The following CAMK2D variants were observed in gnomAD, a reference collection of about 807,000 sequenced individuals.
CAMK2D encodes calcium/calmodulin-dependent protein kinase type II subunit delta.
Under a neutral mutation model 84.0 loss-of-function variants are expected in CAMK2D, and 37 were observed. That is an observed-to-expected ratio of 0.44 (90% confidence interval 0.34 to 0.58). The LOEUF (loss-of-function observed/expected upper bound fraction) is 0.58. Among genes scored for constraint, CAMK2D ranks in the 20% least tolerant of loss-of-function variants. The pLI is 0.02. For missense variants in CAMK2D, 448 were observed against 652.5 expected (o/e 0.69, Z 3.41); for synonymous variants, 202 against 212.5 (o/e 0.95, Z 0.43).
intron 2 of CAMK2D, among the ~76,000 whole-genome samples, chr4:113,705,351 G>A (rs983813050): frequency 3.3e-5 from 5 of 149,832 alleles, no homozygotes; most frequent in Non-Finnish European, 7.4e-5. Context: ...AAAGAAAAGT[G>A]GTAAATGGAG....
At chr4:113,543,947 A>G (rs985838978) in intron 6 of CAMK2D, among the ~76,000 whole-genome samples, 1 of 151,680 alleles carries the variant, frequency 6.6e-6, no homozygotes, top group Non-Finnish European at 1.5e-5. Context: ...GCCCGCCACC[A>G]CGCCCCGCTA....
chr4:113,636,972 C>T (rs779694906), intron 3 of CAMK2D, among the ~76,000 whole-genome samples: 3 of 152,180 alleles, frequency 2.0e-5, no homozygotes, highest in Non-Finnish European at 2.9e-5. Flanking sequence ...GCATGGCCTG[C>T]AAGCTGCTCC....
chr4:113,566,485 T>TAATG (rs1163885114), intron 4 of CAMK2D, among the ~76,000 whole-genome samples: 1 of 152,204 alleles, frequency 6.6e-6, no homozygotes, highest in Non-Finnish European at 1.5e-5. Context: ...GAGCTTTGTA[T>TAATG]AATGAAATCG....
intron 7 of CAMK2D, among the ~76,000 whole-genome samples, chr4:113,534,863 T>C (rs557081506): frequency 6.6e-6 from 1 of 152,188 alleles, no homozygotes; most frequent in Non-Finnish European, 1.5e-5. Context: ...CTCAATATCA[T>C]ACAGCTGTTA....
chr4:113,512,866 C>T (rs377569737), intron 12 of CAMK2D, among the ~76,000 whole-genome samples: 166 of 152,226 alleles, frequency 1.1e-3, no homozygotes, highest in African/African-American at 3.8e-3. Context: ...CCACCACGCC[C>T]GGCCAATAAT....
At chr4:113,490,268 G>A (rs1432407743) in intron 16 of CAMK2D, among the ~76,000 whole-genome samples, 2 of 149,906 alleles carry the variant, frequency 1.3e-5, no homozygotes, top group East Asian at 3.9e-4. Context: ...GGGGTTTTAT[G>A]GTTTTAGGTC....
At chr4:113,575,222 G>C (rs2098774955) in intron 4 of CAMK2D, among the ~76,000 whole-genome samples, 1 of 152,150 alleles carries the variant, frequency 6.6e-6, no homozygotes, top group Non-Finnish European at 1.5e-5. Context: ...TCCATGGATA[G>C]AAAGACAATA....
At position 113,592,531 on chromosome 4, in the gene CAMK2D, G is replaced by T. The variant is rs569183573; in HGVS notation, c.275+16621C>A. On this transcript the variant is annotated intron_variant, in intron 4 of 20. Transcript: ENST00000511664. The stretch of plus-strand genomic sequence containing the variant: ...ATTTTACATTTAATTAACTTTTTGA[G>T]AAAATTGTGCTTTCAAAATCTAGTT... 2.6e-5 allele frequency among the ~76,000 whole-genome samples: 4 copies of T among 152,218 alleles called. No homozygotes were observed. In the South Asian group the frequency reaches 8.3e-4, roughly 32 times the overall value.
rs536477889 is a variant in CAMK2D at position 113,638,013 on chromosome 4, T to C, written c.220+23700A>G. On this transcript the variant is annotated intron_variant, in intron 3 of 20. Transcript: ENST00000511664. ...CTCTCCATCCTCCTTCTCCCAAATA[T>C]GGTATTACACATCCACTCATCTCTT... is the stretch of plus-strand genomic sequence containing the variant. Among the ~76,000 whole-genome samples the C allele has an allele frequency of 5.9e-5, 9 of 152,260 alleles. No individual in the cohort carries two copies. In the East Asian group the frequency reaches 1.5e-3, roughly 26 times the overall value.
chr4:113,563,352 C>T (rs978577322), intron 4 of CAMK2D, among the ~76,000 whole-genome samples: 2 of 152,194 alleles, frequency 1.3e-5, no homozygotes, highest in African/African-American at 4.8e-5. Context: ...TACTACAATG[C>T]AAACCAGGCA....
chr4:113,495,084 C>A (rs959973110), intron 16 of CAMK2D, among the ~76,000 whole-genome samples: 6 of 152,172 alleles, frequency 3.9e-5, no homozygotes, highest in Non-Finnish European at 7.3e-5. Context: ...GATGGAAATG[C>A]AGAAATCACC....
At chr4:113,563,835 T>C (rs1328038341) in intron 4 of CAMK2D, among the ~76,000 whole-genome samples, 1 of 152,188 alleles carries the variant, frequency 6.6e-6, no homozygotes, top group Non-Finnish European at 1.5e-5. Flanking sequence ...CAGTATCCTA[T>C]CCCACCCAAA....
intron 4 of CAMK2D, among the ~76,000 whole-genome samples, chr4:113,603,588 TC>T (rs2098963199): frequency 6.6e-6 from 1 of 151,088 alleles, no homozygotes; most frequent in South Asian, 2.1e-4. Context: ...TAAAAGCCTT[TC>T]CCATTCATTC....
chr4:113,634,603 A>G (rs1343588745), intron 3 of CAMK2D, among the ~76,000 whole-genome samples: 3 of 152,178 alleles, frequency 2.0e-5, no homozygotes, highest in East Asian at 1.9e-4. Flanking sequence ...CAGAAATAAG[A>G]TACTCATTCA....
intron 4 of CAMK2D, among the ~76,000 whole-genome samples, chr4:113,555,825 G>A (rs921008359): frequency 6.6e-6 from 1 of 152,150 alleles, no homozygotes; most frequent in Non-Finnish European, 1.5e-5. Context: ...CCAAAGTGCT[G>A]ATATTAGGAG....
intron 2 of CAMK2D, among the ~76,000 whole-genome samples, chr4:113,725,796 T>A (rs1303426277): frequency 1.3e-5 from 2 of 152,138 alleles, no homozygotes; most frequent in East Asian, 3.8e-4. Context: ...TCAAGTCCAG[T>A]AAAAGGAAAA....
At chr4:113,566,187 A>G (rs768757591) in intron 4 of CAMK2D, among the ~76,000 whole-genome samples, 2 of 152,216 alleles carry the variant, frequency 1.3e-5, no homozygotes, top group Non-Finnish European at 2.9e-5. Context: ...GAATCAGCTT[A>G]GTAATACTGG....
At chr4:113,613,544 C>T (rs1012654668) in intron 3 of CAMK2D, among the ~76,000 whole-genome samples, 6 of 152,070 alleles carry the variant, frequency 3.9e-5, no homozygotes, top group African/African-American at 9.7e-5. Context: ...ACCATTTTGA[C>T]TGTAGGTTTA....
chr4:113,658,138 T>C (rs981507002), intron 3 of CAMK2D, among the ~76,000 whole-genome samples: 1 of 152,218 alleles, frequency 6.6e-6, no homozygotes, highest in African/African-American at 2.4e-5. Context: ...TGTCCACTTA[T>C]GGCATCTGTC....
Sources: gnomAD v4.1 joint callset for allele counts (sites outside exome capture counted in the v4.1 genomes callset) on GRCh38, gnomAD v4.1.1 for gene constraint, MANE v1.5 for transcripts, NCBI Gene and HGNC (gene_info 2026-07-23, HGNC 2026-07-21) for gene names.